Variants in HIVEP1 observed in about 807,000 individuals in gnomAD.
The protein encoded by HIVEP1 is zinc finger protein 40.
In HIVEP1, 36 loss-of-function variants were observed where a neutral mutation model predicts 180.0. The ratio of observed to expected loss-of-function variants is 0.20; its 90% CI spans 0.15 to 0.26. HIVEP1 has a LOEUF of 0.26. Among genes scored for constraint, HIVEP1 ranks in the 10% least tolerant of loss-of-function variants. HIVEP1 has a pLI of 1.00. For missense variants in HIVEP1, 3,143 were observed against 3,268.7 expected, an observed-to-expected ratio of 0.96 and a Z score of 0.94; for synonymous variants, 1,239 against 1,239.0, an observed-to-expected ratio of 1.00 and a Z score of 0.00.
chr6:12,122,256 A>C lies in HIVEP1; in HGVS notation c.2461A>C (p.Lys821Gln). The change falls in exon 4 of 9, where the codon AAG becomes CAG. Residue 821 changes from lysine to glutamine, a missense_variant. Physicochemically the swap from Lys to Gln is moderately conservative, Grantham distance 53. Coordinates refer to ENST00000379388, the MANE Select transcript of HIVEP1 (RefSeq NM_002114.4). ...KSPFTPTEKS[K>Q]QVFLLSVPSL... ...ACCTTTCACCCCTACTGAAAAATCA[A>C]AGCAAGTGTTTCTTCTGTCTGTACC... 6.2e-7 allele frequency: 1 copy of C among 1,614,266 alleles called. No homozygotes were observed. Among genetic ancestry groups the C allele is most frequent in the Non-Finnish European group, 8.5e-7 (1 of 1,180,042 alleles).
At chr6:12,209,670 G>A in the HIVEP1 span, among the ~76,000 whole-genome samples, 3 of 152,130 alleles carry the variant, frequency 2.0e-5, no homozygotes, top group Non-Finnish European at 4.4e-5. Context: ...AATACTTAAT[G>A]TGAATTGAGC....
At chr6:12,095,131 AT>A (rs1773712026) in intron 3 of HIVEP1, among the ~76,000 whole-genome samples, 1 of 151,734 alleles carries the variant, frequency 6.6e-6, no homozygotes, top group Non-Finnish European at 1.5e-5. Flanking sequence ...TCTATCATTG[AT>A]TTGTGCCTCT....
Position 12,120,571 on chromosome 6 carries a change from G to A in HIVEP1, c.776G>A (p.Cys259Tyr), listed in dbSNP as rs893904193. 1 of 1,614,150 alleles carries A rather than the reference G, an allele frequency of 6.2e-7. No individual in the cohort carries two copies. ...QELVAESQSS[C>Y]TSYTVHMSAA... is the part of the protein sequence containing the mutation. ...TTGGTTGCTGAATCACAGTCTTCTT[G>A]TACCTCATACACAGTCCATATGTCT... The change falls in exon 4 of 9, where the codon TGT becomes TAT. Residue 259 changes from cysteine (C) to tyrosine (Y), a missense_variant. Cys to Tyr is a radical substitution (Grantham distance 194, BLOSUM62 -2). Around this residue, in one of 12 missense-constraint regions of HIVEP1, gnomAD observed 306 missense variants for 310.6 expected, o/e 0.99. Transcript: ENST00000379388.
chr6:12,177,558 A>C, the HIVEP1 span, among the ~76,000 whole-genome samples: 1 of 152,246 alleles, frequency 6.6e-6, no homozygotes, highest in South Asian at 2.1e-4. Flanking sequence ...TTAGTAAAGG[A>C]CCTGTGTAGC....
intron 2 of HIVEP1, among the ~76,000 whole-genome samples, chr6:12,035,018 G>C (rs1020865150): frequency 6.6e-6 from 1 of 152,226 alleles, no homozygotes; most frequent in Non-Finnish European, 1.5e-5. Context: ...CTTGGTACCA[G>C]ATGTATGAAG....
At chr6:12,113,506 C>T (rs897412930) in intron 3 of HIVEP1, among the ~76,000 whole-genome samples, 10 of 151,876 alleles carry the variant, frequency 6.6e-5, no homozygotes, top group Non-Finnish European at 1.3e-4. Context: ...TCAGATGTCC[C>T]TGCAGTCTTT....
chr6:12,053,221 G>A (rs183611923), intron 2 of HIVEP1, among the ~76,000 whole-genome samples: 1 of 151,956 alleles, frequency 6.6e-6, no homozygotes, highest in Non-Finnish European at 1.5e-5. Flanking sequence ...CCAATATGCT[G>A]TTCATGTGTG....
At chr6:12,158,730 C>T (rs1262355906) in intron 7 of HIVEP1, among the ~76,000 whole-genome samples, 2 of 152,138 alleles carry the variant, frequency 1.3e-5, no homozygotes, top group African/African-American at 2.4e-5. Flanking sequence ...GTATGTTTTT[C>T]CTGTTCCCTT....
intron 3 of HIVEP1, among the ~76,000 whole-genome samples, chr6:12,106,282 AAG>A (rs1281275523): frequency 6.6e-6 from 1 of 152,098 alleles, no homozygotes; most frequent in African/African-American, 2.4e-5. Context: ...CATTTCTTAA[AAG>A]AGTAAAATTT....
chr6:12,137,990 CCAGCTCAGCAAGGTTATTG>C (rs1466008444), intron 7 of HIVEP1, among the ~76,000 whole-genome samples: 1 of 152,106 alleles, frequency 6.6e-6, no homozygotes, highest in Non-Finnish European at 1.5e-5. Context: ...TTTTTAAAAA[CCAGCTCAGCAAGGTTATTG>C]CTGCTGAGGG....
In HIVEP1 at chr6:12,119,969, C is replaced by T. The variant is rs777919428; in HGVS notation, c.174C>T (p.His58=). 5 of 1,611,190 alleles carry T rather than the reference C, an allele frequency of 3.1e-6. No homozygotes were observed. In the African/African-American group the frequency reaches 4.0e-5, roughly 13 times the overall value. ...GCAAAAAGATCGTAGCTGAGAATCA[C>T]CTGAAAAAAATACCAAAATCCCCAC... ...VKRKKIVAEN[H]LKKIPKSPLR... The change falls in exon 4 of 9, where the codon CAC becomes CAT. Residue 58 remains histidine, a synonymous_variant. Transcript: ENST00000379388.
intron 6 of HIVEP1, 21 bp downstream of exon 6, chr6:12,130,963 C>T: frequency 3.8e-6 from 6 of 1,560,260 alleles, no homozygotes; most frequent in Non-Finnish European, 5.2e-6. Flanking sequence ...CACATTGCTT[C>T]AAGGTCCTTT....
intron 7 of HIVEP1, among the ~76,000 whole-genome samples, chr6:12,140,402 A>G (rs528164494): frequency 3.9e-4 from 60 of 152,356 alleles, no homozygotes; most frequent in African/African-American, 1.3e-3. Flanking sequence ...TAAAATCACA[A>G]TGATGGGGAG....
chr6:12,211,399 C>CA, the HIVEP1 span, among the ~76,000 whole-genome samples: 68 of 71,920 alleles, frequency 9.5e-4, 1 homozygote, highest in Middle Eastern at 9.6e-3. Context: ...GACTCTGTCT[C>CA]AAAAAAAAAA....
At chr6:12,016,936 C>G (rs553420138) in intron 2 of HIVEP1, among the ~76,000 whole-genome samples, 1 of 152,122 alleles carries the variant, frequency 6.6e-6, no homozygotes, top group South Asian at 2.1e-4. Context: ...CCAGGGAGGG[C>G]ACCCTGTTCT....
chr6:12,018,038 C>A (rs990246343), intron 2 of HIVEP1, among the ~76,000 whole-genome samples: 11 of 152,230 alleles, frequency 7.2e-5, no homozygotes, highest in African/African-American at 2.7e-4. Flanking sequence ...TTAGGCATGG[C>A]GGGCTGCAGG....
chr6:12,039,413 G>A (rs1769514671), intron 2 of HIVEP1, among the ~76,000 whole-genome samples: 1 of 152,192 alleles, frequency 6.6e-6, no homozygotes, highest in African/African-American at 2.4e-5. Flanking sequence ...GAGCCATGTG[G>A]AAGCTATGCA....
intron 2 of HIVEP1, among the ~76,000 whole-genome samples, chr6:12,073,678 C>T (rs888712825): frequency 6.6e-6 from 1 of 152,146 alleles, no homozygotes; most frequent in Non-Finnish European, 1.5e-5. Flanking sequence ...TATATTTTCT[C>T]TACATTTTTA....
chr6:12,122,261 A>G lies in HIVEP1; in HGVS notation c.2466A>G (p.Gln822=), dbSNP rs1561965469. Residue 822 remains glutamine (Q), a synonymous_variant, in exon 4 of 9, where the codon CAA becomes CAG. Coordinates refer to ENST00000379388, the MANE Select transcript of HIVEP1 (RefSeq NM_002114.4). ...SPFTPTEKSK[Q]VFLLSVPSLD... The stretch of plus-strand genomic sequence containing the variant: ...TCACCCCTACTGAAAAATCAAAGCA[A>G]GTGTTTCTTCTGTCTGTACCTTCAC... 4 of 1,614,228 alleles carry G rather than the reference A, an allele frequency of 2.5e-6. No homozygotes were observed. Among genetic ancestry groups the G allele is most frequent in the South Asian group, 2.2e-5 (2 of 91,092 alleles).
Sources: allele counts gnomAD v4.1 joint callset (sites outside exome capture counted in the v4.1 genomes callset), GRCh38; gene constraint gnomAD v4.1.1; regional missense constraint gnomAD v4.1.1; transcripts MANE v1.5; gene names NCBI Gene and HGNC (gene_info 2026-07-23, HGNC 2026-07-21).